The following PCCB variants were observed in gnomAD, a reference collection of about 807,000 sequenced individuals.
PCCB encodes propionyl-CoA carboxylase subunit beta.
PCCB carries 43 observed loss-of-function variants against 60.7 expected under a neutral mutation model. The ratio of observed to expected loss-of-function variants is 0.71; its 90% confidence interval spans 0.55 to 0.91. PCCB has a LOEUF of 0.91. Ranked by LOEUF, PCCB falls within the 40% of genes least tolerant of loss-of-function variation. The probability of loss-of-function intolerance (pLI) is 0.00; values close to 1 mark genes in which losing one functional copy is unlikely to be tolerated. For missense variants in PCCB, 766 were observed against 702.8 expected, an observed-to-expected ratio of 1.09 and a Z score of -1.02; for synonymous variants, 276 against 255.9, an observed-to-expected ratio of 1.08 and a Z score of -0.75.
At chr3:136,251,161 T>C (rs1941505457) in intron 1 of PCCB, 3 of 453,890 alleles carry the variant, frequency 6.6e-6, no homozygotes, top group Non-Finnish European at 1.3e-5. Flanking sequence ...AGGTGGCCTT[T>C]CTGGGAGTGC....
intron 2 of PCCB, 58 bp from the exon 3 acceptor site, chr3:136,256,497 A>T: frequency 1.5e-6 from 2 of 1,291,856 alleles, no homozygotes; most frequent in South Asian, 2.4e-5. Context: ...ATAGTGGCCA[A>T]ACTCATTAGA....
rs944525058 is a variant in PCCB at position 136,325,366 on chromosome 3, C to CT, written c.1091-1427dup. On this transcript the variant is annotated intron_variant, in intron 10 of 14. Transcript: ENST00000251654. ...TTGCCTATTTATTTCCTTTCCTTTC[C>CT]TTTTTTTTTTATTTGAGATGGAGTC... 4.6e-4 allele frequency among the ~76,000 whole-genome samples: 68 copies of CT among 147,026 alleles called. 1 individual carries two copies. The highest frequency in any genetic ancestry group is 3.5e-3 in the Middle Eastern group (1 of 284).
At chr3:136,329,782 G>A in intron 14 of PCCB, 123 bp from the exon 15 acceptor site, 1 of 1,006,018 alleles carries the variant, frequency 9.9e-7, no homozygotes, top group Non-Finnish European at 1.6e-6. Context: ...TACCATCTCT[G>A]TATCAGGTTG....
chr3:136,326,787 ATC>A lies in PCCB; in HGVS notation c.1091-8_1091-7del. The A allele has an allele frequency of 2.0e-6, 3 of 1,520,734 alleles. No individual in the cohort carries two copies. Among genetic ancestry groups the A allele is most frequent in the Non-Finnish European group, 2.7e-6 (3 of 1,094,818 alleles). The allele number at this position is 1,520,734 out of a possible 1,614,324, so 94.2% of individuals were successfully genotyped here. On this transcript the variant is annotated splice_polypyrimidine_tract_variant and intron_variant, in intron 10 of 14. Transcript: ENST00000251654. ...ATTGCCTGGATACTCAGTATGGATA[ATC>A]TCTCTCTTTCTAGGATGCTTGGATA...
intron 9 of PCCB, among the ~76,000 whole-genome samples, chr3:136,312,271 G>A (rs1213891011): frequency 6.6e-6 from 1 of 152,216 alleles, no homozygotes; most frequent in Non-Finnish European, 1.5e-5. Context: ...ACACACCTAG[G>A]ATCTGTGGTA....
At chr3:136,281,361 T>C (rs1225237379) in intron 5 of PCCB, among the ~76,000 whole-genome samples, 1 of 152,078 alleles carries the variant, frequency 6.6e-6, no homozygotes, top group African/African-American at 2.4e-5. Flanking sequence ...TCCAGTTTCC[T>C]GATCCTTTTT....
chr3:136,276,585 G>A (rs533227551), intron 5 of PCCB, among the ~76,000 whole-genome samples: 8 of 152,230 alleles, frequency 5.3e-5, no homozygotes, highest in African/African-American at 1.9e-4. Flanking sequence ...CAGGGCGGGG[G>A]TGGGGGTTGG....
intron 5 of PCCB, among the ~76,000 whole-genome samples, chr3:136,282,078 T>C (rs558474668): frequency 6.6e-6 from 1 of 152,280 alleles, no homozygotes; most frequent in African/African-American, 2.4e-5. Context: ...AATCAGAACA[T>C]ACAACCTTGA....
intron 10 of PCCB, among the ~76,000 whole-genome samples, chr3:136,318,222 G>A (rs1934981748): frequency 6.6e-6 from 1 of 151,964 alleles, no homozygotes; most frequent in Non-Finnish European, 1.5e-5. Context: ...GCACGTGCCT[G>A]TAGTCCAGCT....
chr3:136,311,231 T>C (rs1255228587), intron 9 of PCCB, among the ~76,000 whole-genome samples: 1 of 152,162 alleles, frequency 6.6e-6, no homozygotes, highest in African/African-American at 2.4e-5. Context: ...AATTAACATA[T>C]AGAAATCTTC....
At position 136,317,494 on chromosome 3, in the gene PCCB, G is replaced by A. The variant is rs111319187; in HGVS notation, c.1090+430G>A. Among the ~76,000 whole-genome samples, 1,272 of 152,098 alleles carry A rather than the reference G, an allele frequency of 8.4e-3. 21 individuals are homozygous for A. The highest frequency in any genetic ancestry group is 0.029 in the African/African-American group (1,204 of 41,496). On this transcript the variant is annotated intron_variant, in intron 10 of 14. Transcript: ENST00000251654. Reference sequence around the variant, plus strand: ...TCCGCCCACCTCAGCCTCCGAAAGCGCTGGGATTACAGACATGAGACACCA... The same window carrying A: ...TCCGCCCACCTCAGCCTCCGAAAGCACTGGGATTACAGACATGAGACACCA...
chr3:136,327,430 C>T (rs930304785), intron 12 of PCCB, among the ~76,000 whole-genome samples, 175 bp downstream of exon 12: 2 of 152,140 alleles, frequency 1.3e-5, no homozygotes, highest in African/African-American at 4.8e-5. Context: ...TTTTTTAACA[C>T]AGGGGAACTG....
At chr3:136,290,828 T>C (rs1011972949) in intron 6 of PCCB, among the ~76,000 whole-genome samples, 7 of 151,976 alleles carry the variant, frequency 4.6e-5, no homozygotes, top group African/African-American at 1.4e-4. Context: ...ATTCTCATTA[T>C]GTATATGTTA....
At chr3:136,293,988 G>A in intron 7 of PCCB, 124 bp downstream of exon 7, 1 of 699,822 alleles carries the variant, frequency 1.4e-6, no homozygotes, top group Non-Finnish European at 2.6e-6. Flanking sequence ...GAAGACTGTG[G>A]TACAGTCTAT....
At chr3:136,262,090 A>G (rs1400561263) in intron 5 of PCCB, 25 bp downstream of exon 5, 6 of 1,403,130 alleles carry the variant, frequency 4.3e-6, no homozygotes, top group Non-Finnish European at 5.9e-6. Context: ...AATAGAGAAT[A>G]AAAAAATACA....
intron 4 of PCCB, 38 bp downstream of exon 4, chr3:136,260,573 C>G: frequency 6.6e-7 from 1 of 1,517,354 alleles, no homozygotes; most frequent in Non-Finnish European, 9.1e-7. Context: ...CATTGCTTTC[C>G]TCAGTTACAT....
chr3:136,278,862 TTCTG>T (rs1942400671), intron 5 of PCCB, among the ~76,000 whole-genome samples: 1 of 152,206 alleles, frequency 6.6e-6, no homozygotes, highest in Admixed American at 6.5e-5. Context: ...TGTCTAGTTG[TTCTG>T]TCTGTTATTA....
In PCCB at chr3:136,255,840, C is replaced by T. The variant is rs765090021; in HGVS notation, c.184-16C>T. The T allele has an allele frequency of 6.2e-7, 1 of 1,612,234 alleles. No homozygotes were observed. Among genetic ancestry groups the T allele is most frequent in the African/African-American group, 1.3e-5 (1 of 74,890 alleles). On this transcript the variant is annotated splice_polypyrimidine_tract_variant and intron_variant, in intron 1 of 14. Transcript: ENST00000251654. ...GTCTGTGATGACATCACTGAGTGAT[C>T]TTTGTTCCATTGTAGGGAAAGCTAA...
At chr3:136,300,935 A>G (rs1934247852) in intron 8 of PCCB, 95 bp from the exon 9 acceptor site, 13 of 864,654 alleles carry the variant, frequency 1.5e-5, no homozygotes, top group East Asian at 4.9e-5. Flanking sequence ...CCCAGTCCCT[A>G]TGACGTGTCA....
Sources: gnomAD v4.1 joint callset for allele counts (sites outside exome capture counted in the v4.1 genomes callset) on GRCh38, gnomAD v4.1.1 for gene constraint, MANE v1.5 for transcripts, NCBI Gene and HGNC (gene_info 2026-07-23, HGNC 2026-07-21) for gene names.